Variants in MAST4 observed in about 807,000 individuals in gnomAD.
The protein encoded by MAST4 is microtubule associated serine/threonine kinase family member 4.
A neutral mutation model predicts 162.7 loss-of-function variants in MAST4; 89 were observed. The observed-to-expected ratio is 0.55, with a 90% CI of 0.46 to 0.65. MAST4 has a LOEUF of 0.65. Ranked by LOEUF, MAST4 falls within the 30% of genes least tolerant of loss-of-function variation. The pLI, the probability that MAST4 is intolerant of heterozygous loss-of-function variation, is 0.00. For synonymous variants in MAST4, 1,479 were observed against 1,361.1 expected (o/e 1.09, Z -1.91); for missense variants, 3,153 against 3,374.0 (o/e 0.93, Z 1.62).
In MAST4 at chr5:66,759,881, G is replaced by C. The variant is rs758965852; in HGVS notation, c.517+19G>C. The C allele has an allele frequency of 1.2e-6, 2 of 1,612,922 alleles. No individual in the cohort carries two copies. Among genetic ancestry groups the C allele is most frequent in the Admixed American group, 1.7e-5 (1 of 59,978 alleles). On this transcript the variant is annotated intron_variant, in intron 2 of 28. Coordinates refer to ENST00000403625, the MANE Select transcript of MAST4 (RefSeq NM_001164664.2). ...CTGACTGGTGAGTCGCAGCGGCTTG[G>C]ATGAGAGAAGGAATTGCATTTCTTT... is the stretch of plus-strand genomic sequence containing the variant.
chr5:66,932,127 G>A (rs1167802334), intron 4 of MAST4, among the ~76,000 whole-genome samples: 1 of 152,152 alleles, frequency 6.6e-6, no homozygotes, highest in Admixed American at 6.6e-5. Context: ...ACTGCAATTT[G>A]AATTATTTGA....
At chr5:66,601,081 G>GT (rs1742521929) in intron 1 of MAST4, among the ~76,000 whole-genome samples, 1 of 152,238 alleles carries the variant, frequency 6.6e-6, no homozygotes, top group South Asian at 2.1e-4. Context: ...TGTTTATGGA[G>GT]TGGGGGGTTT....
At chr5:67,057,146 T>A (rs539092444) in intron 5 of MAST4, among the ~76,000 whole-genome samples, 32 of 152,252 alleles carry the variant, frequency 2.1e-4, no homozygotes, top group Middle Eastern at 3.4e-3. Flanking sequence ...GAAAAACATG[T>A]GAATACGATA....
Position 67,130,190 on chromosome 5 carries a change from A to G in MAST4, c.1746-20A>G, listed in dbSNP as rs751816121. ...ACTTTCTCTCCTCCTGTCAACCCCA[A>G]TACTTCTGCTCCTTTTCAGGGCAGT... On this transcript the variant is annotated intron_variant, in intron 14 of 28. Transcript: ENST00000403625. The G allele has an allele frequency of 8.7e-6, 14 of 1,600,760 alleles. No individual in the cohort carries two copies. The East Asian group carries it at 1.6e-4, about 18-fold the overall frequency.
At chr5:66,603,900 T>C (rs571134947) in intron 1 of MAST4, among the ~76,000 whole-genome samples, 24 of 152,346 alleles carry the variant, frequency 1.6e-4, no homozygotes, top group African/African-American at 5.5e-4. Flanking sequence ...GTCTGGCTTC[T>C]TATTTGATGA....
chr5:66,873,207 G>T (rs893354982), intron 3 of MAST4, among the ~76,000 whole-genome samples: 1 of 152,148 alleles, frequency 6.6e-6, no homozygotes, highest in Admixed American at 6.5e-5. Flanking sequence ...AAAACACTGC[G>T]GTAGTAGAAA....
chr5:67,062,441 T>C (rs1467384678), intron 5 of MAST4, among the ~76,000 whole-genome samples: 1 of 152,148 alleles, frequency 6.6e-6, no homozygotes, highest in Admixed American at 6.5e-5. Flanking sequence ...GAGTGAAATA[T>C]TGCCTTTGTT....
rs369639082 is a variant in MAST4 at position 67,054,455 on chromosome 5, A to G, written c.726A>G (p.Ala242=). 1 of 1,611,760 alleles carries G rather than the reference A, an allele frequency of 6.2e-7. No individual in the cohort carries two copies. The highest frequency in any genetic ancestry group is 8.5e-7 in the Non-Finnish European group (1 of 1,178,996). ...TAATAGGCAATGGGCAGTCACCAGC[A>G]TTGCCTCGACCACACTCACCTCTCT... The part of the protein sequence containing the change: ...KSLIGNGQSP[A]LPRPHSPLSA... Residue 242 remains alanine, a synonymous_variant, in exon 5 of 29, where the codon GCA becomes GCG. Coordinates refer to ENST00000403625, the MANE Select transcript of MAST4 (RefSeq NM_001164664.2).
intron 11 of MAST4, among the ~76,000 whole-genome samples, chr5:67,111,615 G>A (rs1198913032): frequency 6.6e-6 from 1 of 152,152 alleles, no homozygotes; most frequent in Non-Finnish European, 1.5e-5. Context: ...ACTTTTTACT[G>A]CCTCTCCTGT....
chr5:66,956,903 G>A (rs76462921), intron 4 of MAST4, among the ~76,000 whole-genome samples: 1 of 152,248 alleles, frequency 6.6e-6, no homozygotes, highest in East Asian at 1.9e-4. Flanking sequence ...AAGATACAAT[G>A]TATTTTGGGT....
chr5:66,597,293 T>C (rs1182657189), intron 1 of MAST4, among the ~76,000 whole-genome samples: 2 of 152,206 alleles, frequency 1.3e-5, no homozygotes, highest in East Asian at 3.9e-4. Context: ...CGTGTTTGTA[T>C]CTGACTTGGT....
chr5:66,986,161 G>T (rs1043823032), intron 4 of MAST4, among the ~76,000 whole-genome samples: 1 of 152,144 alleles, frequency 6.6e-6, no homozygotes, highest in African/African-American at 2.4e-5. Flanking sequence ...TGTCTATGAG[G>T]AAGAGAGGAG....
At chr5:67,161,672 G>A (rs886213607) in intron 27 of MAST4, among the ~76,000 whole-genome samples, 16 of 152,312 alleles carry the variant, frequency 1.1e-4, no homozygotes, top group African/African-American at 2.6e-4. Flanking sequence ...AGAAAAATTC[G>A]AGTAGAGGAG....
intron 3 of MAST4, among the ~76,000 whole-genome samples, chr5:66,857,152 G>A (rs1241754466): frequency 6.6e-6 from 1 of 152,110 alleles, no homozygotes; most frequent in Non-Finnish European, 1.5e-5. Context: ...TTTTTATTCT[G>A]TCATGTACGT....
intron 1 of MAST4, among the ~76,000 whole-genome samples, chr5:66,758,470 G>A (rs1047024679): frequency 6.6e-6 from 1 of 151,864 alleles, no homozygotes; most frequent in Admixed American, 6.6e-5. Flanking sequence ...ATGCTGGAGT[G>A]CAGTGCTGCA....
chr5:66,838,248 G>C (rs1335368719), intron 3 of MAST4, among the ~76,000 whole-genome samples: 1 of 152,016 alleles, frequency 6.6e-6, no homozygotes, highest in Non-Finnish European at 1.5e-5. Context: ...CCTGTGATTT[G>C]GAAACCTTTA....
chr5:67,103,764 T>C lies in MAST4; in HGVS notation c.1147-602T>C, dbSNP rs1765290349. Among the ~76,000 whole-genome samples the C allele has an allele frequency of 2.0e-5, 3 of 152,222 alleles. No homozygotes were observed. In the South Asian group the frequency reaches 6.2e-4, roughly 32 times the overall value. ...CGAAAGATACATTTTTAGCTTAGGT[T>C]GTGGAACTCTAGCAACAACCTGATG... On this transcript the variant is annotated intron_variant, in intron 9 of 28. Coordinates refer to ENST00000403625, the MANE Select transcript of MAST4 (RefSeq NM_001164664.2).
intron 1 of MAST4, among the ~76,000 whole-genome samples, chr5:66,718,284 A>T (rs74413921): frequency 0.015 from 2,207 of 150,270 alleles, 62 homozygotes; most frequent in African/African-American, 0.051. Flanking sequence ...TTTTCAAAGC[A>T]CCTTTTACAG....
Position 66,831,198 on chromosome 5 carries a change from CTTG to C in MAST4, c.642+42409_642+42411del, listed in dbSNP as rs1474952883. On this transcript the variant is annotated intron_variant, in intron 3 of 28. Transcript: ENST00000403625. ...TCCATATCATTGCTTATGAAATGAA[CTTG>C]TTGTATTTATACACCATGTTTGTTG... is the stretch of plus-strand genomic sequence containing the variant. Among the ~76,000 whole-genome samples, 5 of 152,260 alleles carry C rather than the reference CTTG, an allele frequency of 3.3e-5. 1 individual carries two copies. The highest frequency in any genetic ancestry group is 4.8e-5 in the African/African-American group (2 of 41,558).
Sources: gnomAD v4.1 joint callset for allele counts (sites outside exome capture counted in the v4.1 genomes callset) on GRCh38, gnomAD v4.1.1 for gene constraint, MANE v1.5 for transcripts, NCBI Gene and HGNC (gene_info 2026-07-23, HGNC 2026-07-21) for gene names.